The following PRKN variants were observed in gnomAD, a reference collection of about 807,000 sequenced individuals.
PRKN encodes E3 ubiquitin-protein ligase parkin.
A neutral mutation model predicts 59.5 loss-of-function variants in PRKN; 56 were observed. The ratio of observed to expected loss-of-function variants is 0.94; its 90% CI spans 0.76 to 1.18. The LOEUF is 1.18. Among genes scored for constraint, PRKN ranks in the 50% most tolerant of loss-of-function variants. The pLI, the probability that PRKN is intolerant of heterozygous loss-of-function variation, is 0.00. For synonymous variants in PRKN, 250 were observed against 222.1 expected (o/e 1.13, Z -1.12); for missense variants, 657 against 596.4 (o/e 1.10, Z -1.06).
chr6:162,522,499 C>A (rs1056464889), intron 1 of PRKN, among the ~76,000 whole-genome samples: 10 of 152,194 alleles, frequency 6.6e-5, no homozygotes, highest in Non-Finnish European at 1.5e-4. Context: ...CATGATAAAG[C>A]AGATTAAAGA....
intron 2 of PRKN, among the ~76,000 whole-genome samples, chr6:162,284,455 C>T (rs1781088281): frequency 6.6e-6 from 1 of 151,936 alleles, no homozygotes; most frequent in Non-Finnish European, 1.5e-5. Flanking sequence ...AACTCCTAAC[C>T]TCAGGTGATC....
intron 4 of PRKN, among the ~76,000 whole-genome samples, chr6:162,096,693 T>C (rs976643122): frequency 1.3e-5 from 2 of 152,074 alleles, no homozygotes; most frequent in Non-Finnish European, 2.9e-5. Flanking sequence ...CCTGCCGCCA[T>C]GTAAGATGTG....
Position 161,889,583 on chromosome 6 carries a change from C to T in PRKN, c.734+83719G>A, listed in dbSNP as rs555572275. ...CAGGTCAGGTGGTGCTGGGAGATGA[C>T]GACACAGCCACAGCTGCAGGGATTT... On this transcript the variant is annotated intron_variant, in intron 6 of 11. Transcript: ENST00000366898. Among the ~76,000 whole-genome samples the T allele has an allele frequency of 6.6e-5, 10 of 152,264 alleles. No individual in the cohort carries two copies. The East Asian group carries it at 1.7e-3, about 26-fold the overall frequency.
In PRKN at chr6:161,943,902, A is replaced by G. The variant is rs185539809; in HGVS notation, c.734+29400T>C. 1.4e-3 allele frequency among the ~76,000 whole-genome samples: 212 copies of G among 149,844 alleles called. 3 individuals are homozygous for G. The highest frequency in any genetic ancestry group is 5.1e-3 in the African/African-American group (203 of 40,168). ...GCCTGAGGGATTGGCCTGAGGATGCAGCCTGAGGGATCAGCCTTGAGGAAG... is the reference window on the plus strand; with the variant it reads ...GCCTGAGGGATTGGCCTGAGGATGCGGCCTGAGGGATCAGCCTTGAGGAAG... On this transcript the variant is annotated intron_variant, in intron 6 of 11. Transcript: ENST00000366898.
At chr6:162,579,704 A>C (rs373483310) in intron 1 of PRKN, among the ~76,000 whole-genome samples, 4 of 148,810 alleles carry the variant, frequency 2.7e-5, no homozygotes, top group African/African-American at 7.4e-5. Flanking sequence ...TAAACACACA[A>C]ATTTCACACA....
rs1002183646 is a variant in PRKN, at chr6:161,454,822, A to G, written c.1084-67945T>C. Among the ~76,000 whole-genome samples the G allele has an allele frequency of 6.6e-6, 1 of 152,138 alleles. No individual in the cohort carries two copies. Among genetic ancestry groups the G allele is most frequent in the Non-Finnish European group, 1.5e-5 (1 of 68,022 alleles). ...ACTTCATCTAGGTCACTGCTGAGAC[A>G]TCACCTCTCCAGTAAAACCATCTAG... On this transcript the variant is annotated intron_variant, in intron 9 of 11. Transcript: ENST00000366898. This position sits in a 1 kb window ranked among gnomAD's most constrained non-coding sequence, Gnocchi z 4.6.
chr6:162,355,276 T>G (rs985744307), intron 2 of PRKN, among the ~76,000 whole-genome samples: 32 of 151,284 alleles, frequency 2.1e-4, no homozygotes, highest in East Asian at 1.9e-3. Flanking sequence ...TAGAACATAA[T>G]TATGTTCTAG....
chr6:162,254,039 G>T (rs1481384643), intron 3 of PRKN, among the ~76,000 whole-genome samples: 1 of 152,160 alleles, frequency 6.6e-6, no homozygotes, highest in Non-Finnish European at 1.5e-5. Context: ...TTTTCAGGGG[G>T]TTAGAGAAGA....
intron 2 of PRKN, among the ~76,000 whole-genome samples, chr6:162,397,629 G>A (rs1033777033): frequency 3.9e-5 from 6 of 152,282 alleles, no homozygotes; most frequent in South Asian, 4.1e-4. Flanking sequence ...TTCCAGCAGC[G>A]TTAAGGAGGT....
intron 1 of PRKN, among the ~76,000 whole-genome samples, chr6:162,510,786 G>A (rs1777571766): frequency 6.6e-6 from 1 of 152,048 alleles, no homozygotes; most frequent in Admixed American, 6.6e-5. Flanking sequence ...AGCCAGGTGT[G>A]GTGGTATGCG....
intron 3 of PRKN, among the ~76,000 whole-genome samples, chr6:162,222,292 G>A (rs141628924): frequency 6.4e-4 from 97 of 152,180 alleles, no homozygotes; most frequent in Non-Finnish European, 1.1e-3. Context: ...GTCAGAAATC[G>A]GTTGATTTTG....
chr6:161,926,517 T>A (rs1448376293), intron 6 of PRKN, among the ~76,000 whole-genome samples: 1 of 152,162 alleles, frequency 6.6e-6, no homozygotes, highest in East Asian at 1.9e-4. Flanking sequence ...TCAGAATGAA[T>A]GCATAAGGGA....
chr6:162,695,992 A>G (rs963130882), intron 1 of PRKN, among the ~76,000 whole-genome samples: 1 of 152,108 alleles, frequency 6.6e-6, no homozygotes, highest in East Asian at 1.9e-4. Context: ...AACGCACACA[A>G]TGTACAGCTG....
intron 4 of PRKN, among the ~76,000 whole-genome samples, chr6:162,081,552 T>G (rs1252724065): frequency 6.6e-6 from 1 of 152,114 alleles, no homozygotes; most frequent in East Asian, 1.9e-4. Context: ...CCTTAAAATA[T>G]CCAGTAAACC....
chr6:161,882,095 C>G (rs1221407091), intron 6 of PRKN, among the ~76,000 whole-genome samples: 1 of 152,144 alleles, frequency 6.6e-6, no homozygotes, highest in South Asian at 2.1e-4. Context: ...AGAATAGAAA[C>G]AGCAAATATA....
intron 4 of PRKN, among the ~76,000 whole-genome samples, chr6:162,172,960 C>T (rs1783357608): frequency 6.6e-6 from 1 of 152,010 alleles, no homozygotes; most frequent in Non-Finnish European, 1.5e-5. Context: ...GGGGCTGAAC[C>T]CACAGAAACA....
At chr6:162,363,889 G>T (rs562909267) in intron 2 of PRKN, among the ~76,000 whole-genome samples, 9 of 152,126 alleles carry the variant, frequency 5.9e-5, no homozygotes, top group Admixed American at 4.6e-4. Context: ...ATAAGGCAAG[G>T]TCTTCCCCTA....
chr6:162,466,660 G>A (rs947048402), intron 1 of PRKN, among the ~76,000 whole-genome samples: 6 of 151,660 alleles, frequency 4.0e-5, no homozygotes, highest in Non-Finnish European at 8.8e-5. Context: ...CTCCTGCATC[G>A]GTCTCCCAAA....
intron 1 of PRKN, among the ~76,000 whole-genome samples, chr6:162,602,810 G>A (rs1318093594): frequency 2.0e-5 from 3 of 152,280 alleles, no homozygotes; most frequent in South Asian, 4.1e-4. Flanking sequence ...GCACCAATGG[G>A]TCTCAAAAGC....
Sources: gnomAD v4.1 joint callset for allele counts (sites outside exome capture counted in the v4.1 genomes callset) on GRCh38, gnomAD v4.1.1 for gene constraint, Gnocchi (gnomAD v3.1) non-coding constraint, MANE v1.5 for transcripts, NCBI Gene and HGNC (gene_info 2026-07-23, HGNC 2026-07-21) for gene names.